The following AGBL2 variants were observed in gnomAD, a reference collection of about 807,000 sequenced individuals.
AGBL2 encodes the protein cytosolic carboxypeptidase 2.
AGBL2 carries 87 observed loss-of-function variants against 103.0 expected under a neutral mutation model. That is an observed-to-expected ratio of 0.84 (90% CI 0.71 to 1.01). The LOEUF is 1.01. Among genes scored for constraint, AGBL2 ranks in the 50% least tolerant of loss-of-function variants. The pLI is 0.00. For synonymous variants in AGBL2, 335 were observed against 356.7 expected, an observed-to-expected ratio of 0.94 and a Z score of 0.69; for missense variants, 904 against 1,023.5, an observed-to-expected ratio of 0.88 and a Z score of 1.59.
At chr11:47,663,237 G>A in intron 17 of AGBL2, 125 bp from the exon 18 acceptor site, 6 of 640,360 alleles carry the variant, frequency 9.4e-6, no homozygotes, top group African/African-American at 1.9e-5. Context: ...CCACATAAAA[G>A]GACAGGCAAA....
chr11:47,710,758 T>C, intron 3 of AGBL2: 3 of 560,824 alleles, frequency 5.3e-6, no homozygotes, highest in Admixed American at 4.4e-5. Context: ...TGTAGTGGAG[T>C]GAGAAAGGAC....
At chr11:47,678,191 T>A (rs369589431) in intron 13 of AGBL2, among the ~76,000 whole-genome samples, 1 of 150,826 alleles carries the variant, frequency 6.6e-6, no homozygotes. Context: ...CTCGAACTCC[T>A]GACCTCGTGA....
chr11:47,669,166 C>T (rs1052282136), intron 14 of AGBL2, among the ~76,000 whole-genome samples: 6 of 152,184 alleles, frequency 3.9e-5, no homozygotes, highest in African/African-American at 1.4e-4. Context: ...CTCCCCGGCT[C>T]AAGAGATCCT....
chr11:47,683,463 C>A (rs4752860), intron 11 of AGBL2, among the ~76,000 whole-genome samples: 89,926 of 151,800 alleles, frequency 0.59, 26,971 homozygotes, highest in Admixed American at 0.65. Flanking sequence ...TATCATATAT[C>A]TTTATGGGAA....
intron 14 of AGBL2, among the ~76,000 whole-genome samples, chr11:47,675,883 G>A (rs2153803261): frequency 6.6e-6 from 1 of 152,186 alleles, no homozygotes; most frequent in Middle Eastern, 3.4e-3. Flanking sequence ...GTGCACACCT[G>A]TAGTCCCAGC....
At position 47,714,607 on chromosome 11, in the gene AGBL2, T is replaced by C; in HGVS notation, c.33+11A>G. The C allele has an allele frequency of 6.2e-7, 1 of 1,613,630 alleles. No homozygotes were observed. The highest frequency in any genetic ancestry group is 8.5e-7 in the Non-Finnish European group (1 of 1,179,884). ...AAGAAATTTCTGTGGCTTTCCGTGT[T>C]GTGTACCGACCTGCTTTAGGTGCGT... is the stretch of plus-strand genomic sequence containing the variant. On this transcript the variant is annotated intron_variant, in intron 2 of 18. Coordinates refer to ENST00000525123, the MANE Select transcript of AGBL2 (RefSeq NM_024783.4).
chr11:47,660,329 A>G lies in AGBL2; in HGVS notation c.2553T>C (p.Phe851=). Residue 851 remains phenylalanine, a synonymous_variant, in exon 19 of 19, where the codon TTT becomes TTC. Coordinates refer to ENST00000525123, the MANE Select transcript of AGBL2 (RefSeq NM_024783.4). Reference sequence around the variant, plus strand: ...TTCTCTTTGGAGAGCATGATACTGTAAAGCCTGGCTTCTTATTCTGTGCAA... The same window carrying G: ...TTCTCTTTGGAGAGCATGATACTGTGAAGCCTGGCTTCTTATTCTGTGCAA... ...KGRMQNKKPG[F]TVSCSPKRTI... The G allele has an allele frequency of 6.2e-7, 1 of 1,612,482 alleles. No homozygotes were observed. Among genetic ancestry groups the G allele is most frequent in the Non-Finnish European group, 8.5e-7 (1 of 1,179,602 alleles).
In AGBL2 at chr11:47,710,429, AAG is replaced by A; in HGVS notation, c.178_179del (p.Leu60TrpfsTer5). 6.2e-7 allele frequency: 1 copy of A among 1,614,142 alleles called. No individual in the cohort carries two copies. The highest frequency in any genetic ancestry group is 8.5e-7 in the Non-Finnish European group (1 of 1,180,016). ...NNPQCLLNGS[L>X]GEKDDLIPDT... Reference sequence around the variant, plus strand: ...CTGGTATCAAATCATCTTTTTCCCCAAGAGAGCCATTCAACAGGCATTGAGGG... The same window carrying A: ...CTGGTATCAAATCATCTTTTTCCCCAAGAGCCATTCAACAGGCATTGAGGG... On this transcript the variant is annotated frameshift_variant, in exon 4 of 19. Transcript: ENST00000525123. LOFTEE classifies it high-confidence loss of function.
At chr11:47,705,989 A>C in intron 4 of AGBL2, 72 bp from the exon 5 acceptor site, 1 of 1,244,134 alleles carries the variant, frequency 8.0e-7, no homozygotes. Context: ...TGCTATCCCC[A>C]TCCCTTCTCA....
At chr11:47,682,997 GAAGGA>G (rs776094656) in intron 11 of AGBL2, among the ~76,000 whole-genome samples, 23 of 150,396 alleles carry the variant, frequency 1.5e-4, no homozygotes, top group Non-Finnish European at 2.7e-4. Flanking sequence ...GGAAAGAAAA[GAAGGA>G]AAGGAAAGGA....
Position 47,686,447 on chromosome 11 carries a change from G to GTT in AGBL2, c.1632-400_1632-399dup, listed in dbSNP as rs563969184. On this transcript the variant is annotated intron_variant, in intron 10 of 18. Transcript: ENST00000525123. ...ATACACCCAGCTATTTTTGTTTCTG[G>GTT]TTTTTTTTTTTTTTTTTTTTTTGTA... Among the ~76,000 whole-genome samples the GTT allele has an allele frequency of 5.6e-3, 591 of 105,016 alleles. 4 individuals carry two copies. The highest frequency in any genetic ancestry group is 0.023 in the Middle Eastern group (3 of 132). The allele number at this position is 105,016 out of a possible 152,430, so 68.9% of individuals were successfully genotyped here.
intron 4 of AGBL2, chr11:47,710,116 TA>T (rs2097532702): frequency 1.8e-5 from 7 of 392,436 alleles, no homozygotes; most frequent in Non-Finnish European, 3.3e-5. Flanking sequence ...CTCAAACTCC[TA>T]ACCTCAAGTG....
At chr11:47,704,818 A>T (rs1195363596) in intron 6 of AGBL2, 90 bp from the exon 7 acceptor site, 2 of 1,001,220 alleles carry the variant, frequency 2.0e-6, no homozygotes, top group East Asian at 2.5e-5. Flanking sequence ...TATTTTAAGC[A>T]TTATATTAAA....
At chr11:47,715,041 C>A in intron 1 of AGBL2, 134 bp downstream of exon 1, 1 of 211,312 alleles carries the variant, frequency 4.7e-6, no homozygotes, top group Non-Finnish European at 9.7e-6. Flanking sequence ...TCGGTAGGTG[C>A]CGATGGAAAA....
intron 8 of AGBL2, among the ~76,000 whole-genome samples, chr11:47,698,463 C>T (rs980451892): frequency 2.0e-5 from 3 of 152,136 alleles, no homozygotes; most frequent in Non-Finnish European, 4.4e-5. Flanking sequence ...TGAGCCACAG[C>T]GCCCAGCCAC....
chr11:47,682,978 GGAAAAGAAGGAAA>G (rs939279116), intron 11 of AGBL2, among the ~76,000 whole-genome samples: 9 of 142,416 alleles, frequency 6.3e-5, no homozygotes, highest in Admixed American at 1.5e-4. Flanking sequence ...GATAAGAGAA[GGAAAAGAAGGAAA>G]GAAAAGAAGG....
In AGBL2 at chr11:47,680,003, A is replaced by G. The variant is rs780703351; in HGVS notation, c.1986T>C (p.Leu662=). ...KSLGYHVCDT[L]LDFCDPDQMK... Reference sequence around the variant, plus strand: ...TTTGGTCAGGATCACAAAAGTCCAGAAGGGTGTCACAGACATGATAACCTA... The same window carrying G: ...TTTGGTCAGGATCACAAAAGTCCAGGAGGGTGTCACAGACATGATAACCTA... The change falls in exon 13 of 19, where the codon CTT becomes CTC. Residue 662 remains leucine, a synonymous_variant. Coordinates refer to ENST00000525123, the MANE Select transcript of AGBL2 (RefSeq NM_024783.4). 3.7e-6 allele frequency: 6 copies of G among 1,612,610 alleles called. No individual in the cohort carries two copies. The South Asian group carries it at 5.5e-5, about 15-fold the overall frequency.
At chr11:47,692,993 A>AT (rs973431337) in intron 8 of AGBL2, among the ~76,000 whole-genome samples, 2 of 150,852 alleles carry the variant, frequency 1.3e-5, no homozygotes, top group Non-Finnish European at 3.0e-5. Flanking sequence ...TAATTGTTTA[A>AT]TTTTTTTGTA....
At chr11:47,676,711 C>T (rs1290223732) in intron 14 of AGBL2, among the ~76,000 whole-genome samples, 1 of 147,272 alleles carries the variant, frequency 6.8e-6, no homozygotes, top group African/African-American at 2.5e-5. Context: ...CCCAGCTACT[C>T]GGGAGGCTGA....
Sources: allele counts gnomAD v4.1 joint callset (sites outside exome capture counted in the v4.1 genomes callset), GRCh38; gene constraint gnomAD v4.1.1; transcripts MANE v1.5; gene names NCBI Gene and HGNC (gene_info 2026-07-23, HGNC 2026-07-21).